MBNL3: variants seen among roughly 807,000 people sequenced by gnomAD.
The protein encoded by MBNL3 is muscleblind-like protein 3.
A neutral mutation model predicts 24.5 loss-of-function variants in MBNL3; 6 were observed. That is an observed-to-expected ratio of 0.25 (90% CI 0.13 to 0.48). The LOEUF is 0.48. Among genes scored for constraint, MBNL3 ranks in the 20% least tolerant of loss-of-function variants. MBNL3 has a pLI of 0.99. For synonymous variants in MBNL3, 100 were observed against 101.7 expected (o/e 0.98, Z 0.10); for missense variants, 230 against 293.5 (o/e 0.78, Z 1.58).
chrX:132,468,296 T>TTG, intron 1 of MBNL3, among the ~76,000 whole-genome samples: 1 of 112,265 alleles, frequency 8.9e-6, no homozygotes, highest in Middle Eastern at 4.6e-3. Context: ...ATTATAAAAC[T>TTG]CTGTGACCAC....
At chrX:132,382,395 T>G (rs5933151) in intron 7 of MBNL3, 123 bp from the exon 8 acceptor site, 1 of 481,693 alleles carries the variant, frequency 2.1e-6, no homozygotes, top group Admixed American at 2.9e-5. Context: ...ATCATAACGA[T>G]GAATACATCA....
intron 1 of MBNL3, among the ~76,000 whole-genome samples, chrX:132,482,046 A>G (rs1027295187): frequency 1.8e-5 from 2 of 112,352 alleles, no homozygotes; most frequent in African/African-American, 6.5e-5. Context: ...AGAAGCAGTG[A>G]GTAAAACAGT....
chrX:132,390,950 C>T lies in MBNL3; in HGVS notation c.668G>A (p.Arg223Gln), dbSNP rs1221881601. The change falls in exon 5 of 9, where the codon CGA becomes CAA. Residue 223 changes from arginine to glutamine, a missense_variant. Arg to Gln is a conservative substitution (Grantham distance 43). Transcript: ENST00000370853. Reference protein sequence around the residue: ...VTICMDYIKGRCSREKCKYFH... With the variant: ...VTICMDYIKGQCSREKCKYFH... Reference sequence around the variant, plus strand: ...GTACTTGCATTTCTCCCGCGAGCATCGACCTTTGATGTAATCCATGCAGAT... The same window carrying T: ...GTACTTGCATTTCTCCCGCGAGCATTGACCTTTGATGTAATCCATGCAGAT... The T allele has an allele frequency of 8.3e-7, 1 of 1,209,178 alleles. No individual in the cohort carries two copies. Among genetic ancestry groups the T allele is most frequent in the African/African-American group, 1.8e-5 (1 of 56,954 alleles).
intron 8 of MBNL3, chrX:132,381,547 A>C: frequency 2.5e-6 from 1 of 400,969 alleles, no homozygotes; most frequent in Non-Finnish European, 4.3e-6. Flanking sequence ...TAATAAGGCA[A>C]AATGGCCCTA....
chrX:132,449,783 C>T (rs1026031895), intron 1 of MBNL3, among the ~76,000 whole-genome samples: 17 of 110,784 alleles, frequency 1.5e-4, no homozygotes, highest in Admixed American at 1.4e-3. Context: ...GTTGCAGTGG[C>T]TGGTACCGGT....
upstream of MBNL3, among the ~76,000 whole-genome samples, chrX:132,489,264 G>A (rs1488850083): frequency 8.9e-6 from 1 of 112,033 alleles, no homozygotes; most frequent in Admixed American, 9.3e-5. Flanking sequence ...CGGTTCCAGG[G>A]GCCAGAATAC....
chrX:132,459,904 C>A (rs1050339722), intron 1 of MBNL3, among the ~76,000 whole-genome samples: 1 of 111,625 alleles, frequency 9.0e-6, no homozygotes, highest in Non-Finnish European at 1.9e-5. Context: ...GGTAAATGGG[C>A]TGTTAGGAAT....
chrX:132,453,061 G>C (rs1026998993), intron 1 of MBNL3, among the ~76,000 whole-genome samples: 4 of 111,835 alleles, frequency 3.6e-5, no homozygotes, highest in African/African-American at 1.3e-4. Flanking sequence ...ATAAGGGCTG[G>C]AAGATCAGAC....
chrX:132,479,948 G>C (rs1456154701), intron 1 of MBNL3, among the ~76,000 whole-genome samples: 1 of 111,610 alleles, frequency 9.0e-6, no homozygotes, highest in African/African-American at 3.3e-5. Flanking sequence ...AAAGAACTCA[G>C]AACAGATGTT....
chrX:132,425,282 A>G lies in MBNL3; in HGVS notation c.177+14153T>C, dbSNP rs1301453267. On this transcript the variant is annotated intron_variant, in intron 2 of 8. Coordinates refer to ENST00000370853, the MANE Select transcript of MBNL3 (RefSeq NM_001386889.1). ...TCATTATCCAGGAATGGAGATGAAC[A>G]TGGAGAAAGTCTAAGAGACTGGGCT... 4.5e-5 allele frequency among the ~76,000 whole-genome samples: 5 copies of G among 112,058 alleles called. No individual in the cohort carries two copies. In the East Asian group the frequency reaches 1.4e-3, roughly 31 times the overall value.
chrX:132,389,928 C>A (rs1316460687), intron 5 of MBNL3, among the ~76,000 whole-genome samples: 3 of 110,630 alleles, frequency 2.7e-5, no homozygotes, highest in African/African-American at 9.9e-5. Context: ...CACGGTAGCT[C>A]ATGCCTGTAA....
In MBNL3 at chrX:132,474,042, T is replaced by C. The variant is rs192060744; in HGVS notation, c.-704+14809A>G. On this transcript the variant is annotated intron_variant, in intron 1 of 8. Coordinates refer to ENST00000370853, the MANE Select transcript of MBNL3 (RefSeq NM_001386889.1). Reference sequence around the variant, plus strand: ...CATAAGCTTCTAAGAAAAGAGGAAATATATTCTTCTAGATGGGAGAAAGGG... The same window carrying C: ...CATAAGCTTCTAAGAAAAGAGGAAACATATTCTTCTAGATGGGAGAAAGGG... Among the ~76,000 whole-genome samples the C allele has an allele frequency of 1.7e-4, 19 of 110,944 alleles. No homozygotes were observed. The East Asian group carries it at 4.8e-3, about 28-fold the overall frequency.
In MBNL3 at chrX:132,439,872, G is replaced by A. The variant is rs752065330; in HGVS notation, c.-261C>T. On this transcript the variant is annotated 5_prime_UTR_variant, in exon 2 of 9. Transcript: ENST00000370853. ...GAAGCCAACTGTTAAGATAATGAAT[G>A]CTTTATTTTGTTCCTTTGCCGAATT... 1.8e-5 allele frequency among the ~76,000 whole-genome samples: 2 copies of A among 111,461 alleles called. No individual in the cohort carries two copies. The highest frequency in any genetic ancestry group is 6.5e-5 in the African/African-American group (2 of 30,711).
chrX:132,434,668 A>C (rs1442306324), intron 2 of MBNL3, among the ~76,000 whole-genome samples: 1 of 112,021 alleles, frequency 8.9e-6, no homozygotes, highest in Non-Finnish European at 1.9e-5. Context: ...GAAAACATTC[A>C]ACAAGCACAA....
chrX:132,388,692 G>A lies in MBNL3; in HGVS notation c.772-1881C>T, dbSNP rs1419813557. 1.7e-4 allele frequency among the ~76,000 whole-genome samples: 19 copies of A among 111,479 alleles called. No individual in the cohort carries two copies. The Admixed American group carries it at 1.8e-3, about 11-fold the overall frequency. On this transcript the variant is annotated intron_variant, in intron 5 of 8. Coordinates refer to ENST00000370853, the MANE Select transcript of MBNL3 (RefSeq NM_001386889.1). Reference sequence around the variant, plus strand: ...CTATTAAACTCATAAACCTGCCGAAGAGGTGTGAGACTGTGGATGAACTAA... The same window carrying A: ...CTATTAAACTCATAAACCTGCCGAAAAGGTGTGAGACTGTGGATGAACTAA...
intron 3 of MBNL3, among the ~76,000 whole-genome samples, chrX:132,396,859 TATATATATTCATATATAC>T (rs1349760565): frequency 0.012 from 679 of 57,670 alleles, 19 homozygotes; most frequent in South Asian, 0.017. Flanking sequence ...TATATATTCA[TATATATATTCATATATAC>T]ATATATATTC....
At chrX:132,460,214 A>C (rs915843860) in intron 1 of MBNL3, among the ~76,000 whole-genome samples, 1 of 111,979 alleles carries the variant, frequency 8.9e-6, no homozygotes, top group African/African-American at 3.3e-5. Context: ...AATGAAAGCA[A>C]TATCTTTTCC....
chrX:132,448,602 T>A (rs768537387), intron 1 of MBNL3, among the ~76,000 whole-genome samples: 1 of 111,613 alleles, frequency 9.0e-6, no homozygotes, highest in South Asian at 3.8e-4. Flanking sequence ...CCTAGATTCA[T>A]TGATTTTTTT....
chrX:132,417,548 A>G (rs1943410513), intron 2 of MBNL3, among the ~76,000 whole-genome samples: 1 of 112,061 alleles, frequency 8.9e-6, no homozygotes. Flanking sequence ...TTATTAGAAG[A>G]GCAGTACATG....
Sources: gnomAD v4.1 joint callset for allele counts (sites outside exome capture counted in the v4.1 genomes callset) on GRCh38, gnomAD v4.1.1 for gene constraint, MANE v1.5 for transcripts, NCBI Gene and HGNC (gene_info 2026-07-23, HGNC 2026-07-21) for gene names.